CNTN1: variants seen among roughly 807,000 people sequenced by gnomAD.
CNTN1 encodes the protein contactin-1.
Under a neutral mutation model 126.4 loss-of-function variants are expected in CNTN1, and 38 were observed. The ratio of observed to expected loss-of-function variants is 0.30; its 90% CI spans 0.23 to 0.39. The LOEUF is 0.39. Ranked by LOEUF, CNTN1 falls within the 10% of genes least tolerant of loss-of-function variation. The pLI is 1.00. For missense variants in CNTN1, 1,009 were observed against 1,248.4 expected, an observed-to-expected ratio of 0.81 and a Z score of 2.89; for synonymous variants, 413 against 422.6, an observed-to-expected ratio of 0.98 and a Z score of 0.28.
chr12:40,936,864 A>C lies in CNTN1; in HGVS notation c.1069A>C (p.Lys357Gln), dbSNP rs771981256. The C allele has an allele frequency of 4.3e-6, 7 of 1,613,356 alleles. No individual in the cohort carries two copies. The South Asian group carries it at 7.7e-5, about 18-fold the overall frequency. ...CTACTGGCCTTGTGTGGCCACAGGA[A>C]AGCCCATCCCTACAATCCGATGGTT... is the stretch of plus-strand genomic sequence containing the variant. ...DLYWPCVATG[K>Q]PIPTIRWLKN... The change falls in exon 10 of 24, where the codon AAG becomes CAG. Residue 357 changes from lysine to glutamine, a missense_variant. Physicochemically the swap from Lys to Gln is moderately conservative, Grantham distance 53. Coordinates refer to ENST00000551295, the MANE Select transcript of CNTN1 (RefSeq NM_001843.4).
chr12:40,777,891 A>G (rs896360467), intron 1 of CNTN1, among the ~76,000 whole-genome samples: 1 of 151,836 alleles, frequency 6.6e-6, no homozygotes, highest in Non-Finnish European at 1.5e-5. Context: ...GGAAATATGT[A>G]TAAGTAATAA....
At chr12:40,971,392 G>A (rs1947504728) in intron 15 of CNTN1, 1 of 1,539,776 alleles carries the variant, frequency 6.5e-7, no homozygotes, top group African/African-American at 1.4e-5. Flanking sequence ...CCCTAATTGG[G>A]CATCCACACT....
chr12:41,065,941 G>A (rs897674696), intron 23 of CNTN1, among the ~76,000 whole-genome samples: 11 of 152,212 alleles, frequency 7.2e-5, no homozygotes, highest in African/African-American at 2.7e-4. Context: ...TCTCAAACGT[G>A]CTGTCCCAGC....
At chr12:41,040,565 T>C (rs1212272334) in intron 23 of CNTN1, among the ~76,000 whole-genome samples, 1 of 152,126 alleles carries the variant, frequency 6.6e-6, no homozygotes, top group Non-Finnish European at 1.5e-5. Context: ...GTTCTTCCAT[T>C]TCTTTGTATC....
intron 1 of CNTN1, among the ~76,000 whole-genome samples, chr12:40,838,271 T>C (rs1296968469): frequency 1.3e-5 from 2 of 152,182 alleles, no homozygotes; most frequent in Non-Finnish European, 2.9e-5. Flanking sequence ...AAGTGCCATC[T>C]GTGAGCCTGG....
chr12:40,867,214 C>G (rs1943325574), intron 1 of CNTN1, among the ~76,000 whole-genome samples: 2 of 152,154 alleles, frequency 1.3e-5, no homozygotes, highest in South Asian at 4.1e-4. Flanking sequence ...AATGCATCCA[C>G]TTGGTCTAGT....
At chr12:40,730,281 T>C (rs1285733527) in intron 1 of CNTN1, among the ~76,000 whole-genome samples, 1 of 152,212 alleles carries the variant, frequency 6.6e-6, no homozygotes, top group Non-Finnish European at 1.5e-5. Flanking sequence ...TGGTCAGAAA[T>C]GGGAGGGGCA....
chr12:40,883,469 C>T (rs553370308), intron 1 of CNTN1, among the ~76,000 whole-genome samples: 1 of 151,560 alleles, frequency 6.6e-6, no homozygotes, highest in Non-Finnish European at 1.5e-5. Context: ...ATTGATATTC[C>T]TTTTCTCCCT....
At chr12:41,024,353 CAT>C (rs1453110117) in intron 20 of CNTN1, among the ~76,000 whole-genome samples, 1 of 151,802 alleles carries the variant, frequency 6.6e-6, no homozygotes, top group Non-Finnish European at 1.5e-5. Flanking sequence ...TTACATATAA[CAT>C]ATTTTTATTC....
intron 23 of CNTN1, among the ~76,000 whole-genome samples, chr12:41,066,518 T>G (rs567062873): frequency 6.6e-6 from 1 of 152,274 alleles, no homozygotes; most frequent in African/African-American, 2.4e-5. Context: ...TAAAACATAA[T>G]TTGGATATCA....
At chr12:41,028,079 C>T (rs181021879) in intron 22 of CNTN1, 110 bp downstream of exon 22, 228 of 748,268 alleles carry the variant, frequency 3.0e-4, no homozygotes, top group African/African-American at 2.8e-3. Flanking sequence ...TCACCCAGAC[C>T]GGAGTGCAGT....
intron 1 of CNTN1, among the ~76,000 whole-genome samples, chr12:40,873,344 T>A (rs1261757193): frequency 6.6e-6 from 1 of 152,188 alleles, no homozygotes; most frequent in Admixed American, 6.5e-5. Context: ...TATGGTGTAT[T>A]ATAAAATGTA....
intron 1 of CNTN1, among the ~76,000 whole-genome samples, chr12:40,775,866 G>A (rs911040679): frequency 6.6e-6 from 1 of 151,584 alleles, no homozygotes; most frequent in Non-Finnish European, 1.5e-5. Flanking sequence ...ACAAGAAAAA[G>A]CCCCAGAGAT....
At chr12:41,046,355 C>G (rs1949538352) in intron 23 of CNTN1, among the ~76,000 whole-genome samples, 1 of 152,046 alleles carries the variant, frequency 6.6e-6, no homozygotes, top group Non-Finnish European at 1.5e-5. Context: ...ATTTAGGTCA[C>G]ATATTACTCT....
intron 16 of CNTN1, among the ~76,000 whole-genome samples, chr12:40,991,019 G>C (rs1190157877): frequency 1.3e-5 from 2 of 152,100 alleles, no homozygotes; most frequent in Non-Finnish European, 2.9e-5. Flanking sequence ...CTGCCTTTAA[G>C]GTTCAGTATT....
At chr12:40,719,297 T>C (rs1942132132) in intron 1 of CNTN1, among the ~76,000 whole-genome samples, 1 of 152,346 alleles carries the variant, frequency 6.6e-6, no homozygotes, top group Middle Eastern at 3.4e-3. Context: ...TAATAGTTAC[T>C]TTGATTTAAG....
chr12:40,809,048 T>C (rs1437547110), intron 1 of CNTN1, among the ~76,000 whole-genome samples: 3 of 152,208 alleles, frequency 2.0e-5, no homozygotes, highest in South Asian at 2.1e-4. Context: ...TCATGTGTTA[T>C]TCACATAAAT....
intron 1 of CNTN1, among the ~76,000 whole-genome samples, chr12:40,840,795 A>C (rs1212209573): frequency 6.6e-6 from 1 of 151,990 alleles, no homozygotes; most frequent in Non-Finnish European, 1.5e-5. Context: ...AAGACAGAGC[A>C]TACCAAAACC....
At chr12:40,726,452 C>A (rs2121241552) in intron 1 of CNTN1, among the ~76,000 whole-genome samples, 1 of 152,288 alleles carries the variant, frequency 6.6e-6, no homozygotes, top group Non-Finnish European at 1.5e-5. Flanking sequence ...CAGGCACCTT[C>A]TTCACAGGGT....
Sources: gnomAD v4.1 joint callset for allele counts (sites outside exome capture counted in the v4.1 genomes callset) on GRCh38, gnomAD v4.1.1 for gene constraint, MANE v1.5 for transcripts, NCBI Gene and HGNC (gene_info 2026-07-23, HGNC 2026-07-21) for gene names.